The following MFN1 variants were observed in gnomAD, a reference collection of about 807,000 sequenced individuals.
The protein encoded by MFN1 is mitofusin 1.
In MFN1, 65 loss-of-function variants were observed where a neutral mutation model predicts 92.4. That is an observed-to-expected ratio of 0.70 (90% CI 0.58 to 0.86). MFN1 has a LOEUF of 0.86. Among genes scored for constraint, MFN1 ranks in the 40% least tolerant of loss-of-function variants. The probability of loss-of-function intolerance (pLI) is 0.00; values close to 1 mark genes in which losing one functional copy is unlikely to be tolerated. For synonymous variants in MFN1, 297 were observed against 300.9 expected (o/e 0.99, Z 0.13); for missense variants, 781 against 868.0 (o/e 0.90, Z 1.26).
chr3:179,385,424 T>C, intron 14 of MFN1, 145 bp from the exon 15 acceptor site: 1 of 606,010 alleles, frequency 1.7e-6, no homozygotes, highest in Non-Finnish European at 2.7e-6. Flanking sequence ...AAATTATTTT[T>C]ATTTTCTACA....
At chr3:179,361,834 G>A (rs1021546664) in intron 4 of MFN1, among the ~76,000 whole-genome samples, 5 of 152,048 alleles carry the variant, frequency 3.3e-5, no homozygotes, top group Non-Finnish European at 5.9e-5. Context: ...CACCGCCCCC[G>A]GCCTAGCTCT....
intron 9 of MFN1, among the ~76,000 whole-genome samples, chr3:179,372,665 A>C (rs1205558495): frequency 6.6e-6 from 1 of 152,180 alleles, no homozygotes; most frequent in Non-Finnish European, 1.5e-5. Flanking sequence ...TTTTTGAATC[A>C]GACAGTAACT....
At chr3:179,349,082 AC>A in intron 2 of MFN1, 119 bp downstream of exon 2, 1 of 696,344 alleles carries the variant, frequency 1.4e-6, no homozygotes, top group Non-Finnish European at 2.2e-6. Context: ...TATGAGAAGT[AC>A]CATAATGAAT....
In MFN1 at chr3:179,385,593, C is replaced by T. The variant is rs1190520765; in HGVS notation, c.1687C>T (p.Pro563Ser). The T allele has an allele frequency of 1.2e-6, 2 of 1,609,106 alleles. No individual in the cohort carries two copies. Among genetic ancestry groups the T allele is most frequent in the African/African-American group, 2.7e-5 (2 of 74,230 alleles). Residue 563 changes from proline to serine, a missense_variant, in exon 15 of 18, where the codon CCC becomes TCC. Transcript: ENST00000471841. ...FQLPRSLAST[P>S]TAPTTPATPD... is the part of the protein sequence containing the mutation. The stretch of plus-strand genomic sequence containing the variant: ...GCTCCCTAGATCTTTAGCTTCTACT[C>T]CCACTGCTCCTACCACTCCAGCAAC...
chr3:179,390,404 C>T (rs1422726488), intron 17 of MFN1, among the ~76,000 whole-genome samples: 5 of 152,034 alleles, frequency 3.3e-5, no homozygotes, highest in Non-Finnish European at 5.9e-5. Flanking sequence ...CTTTATAGAT[C>T]GAAATTTACT....
rs759310614 is a variant in MFN1, at chr3:179,378,703, A to G, written c.1551A>G (p.Gln517=). 1.2e-6 allele frequency: 2 copies of G among 1,613,922 alleles called. No homozygotes were observed. Among genetic ancestry groups the G allele is most frequent in the Non-Finnish European group, 1.7e-6 (2 of 1,179,796 alleles). ...ACCACAAGTTATGTTCAGATTTTCA[A>G]GAGGATATTGTATTTCGTTTTTCCC... ...LNYHKLCSDF[Q]EDIVFRFSLG... Residue 517 remains glutamine, a synonymous_variant, in exon 14 of 18, where the codon CAA becomes CAG. Coordinates refer to ENST00000471841, the MANE Select transcript of MFN1 (RefSeq NM_033540.3).
At position 179,378,595 on chromosome 3, in the gene MFN1, G is replaced by A; in HGVS notation, c.1443G>A (p.Lys481=). 6.2e-7 allele frequency: 1 copy of A among 1,607,010 alleles called. No homozygotes were observed. Among genetic ancestry groups the A allele is most frequent in the Non-Finnish European group, 8.5e-7 (1 of 1,176,076 alleles). Residue 481 remains lysine, a synonymous_variant, in exon 14 of 18, where the codon AAG becomes AAA. Coordinates refer to ENST00000471841, the MANE Select transcript of MFN1 (RefSeq NM_033540.3). ...TTTTGTTCTTTCTAGAAAATTTGAA[G>A]CCATTACTTCCAGCTGGTATACAGG... The part of the protein sequence containing the change: ...QTQQEIIENL[K]PLLPAGIQDK...
rs1713686264 is a variant in MFN1, at chr3:179,386,432, G to A, written c.1816-1G>A. 3.1e-6 allele frequency: 5 copies of A among 1,610,018 alleles called. No individual in the cohort carries two copies. Among genetic ancestry groups the A allele is most frequent in the Non-Finnish European group, 4.2e-6 (5 of 1,178,862 alleles). ...GACTAAGCTATGACTTTATCTTACAGATTTGGAAAACTATAGGCTGGAAAC... is the reference window on the plus strand; with the variant it reads ...GACTAAGCTATGACTTTATCTTACAAATTTGGAAAACTATAGGCTGGAAAC... On this transcript the variant is annotated splice_acceptor_variant, in intron 15 of 17. Transcript: ENST00000471841. LOFTEE classifies it high-confidence loss of function.
chr3:179,359,835 A>G (rs1163991105), intron 4 of MFN1: 1 of 152,132 alleles, frequency 6.6e-6, no homozygotes, highest in Non-Finnish European at 1.5e-5. Flanking sequence ...ATTAGTGAAA[A>G]AATAAAACTT....
At chr3:179,350,810 T>C (rs1323219868) in intron 2 of MFN1, among the ~76,000 whole-genome samples, 1 of 152,188 alleles carries the variant, frequency 6.6e-6, no homozygotes, top group Non-Finnish European at 1.5e-5. Flanking sequence ...AGTGGCAGTG[T>C]TTGTCTCTAA....
At chr3:179,373,503 G>A (rs1038459540) in intron 9 of MFN1, among the ~76,000 whole-genome samples, 22 of 152,142 alleles carry the variant, frequency 1.4e-4, no homozygotes, top group African/African-American at 5.1e-4. Context: ...ATTCATTGGA[G>A]TATCAGAGAA....
At chr3:179,363,474 G>A (rs1048499538) in intron 5 of MFN1, among the ~76,000 whole-genome samples, 1 of 152,022 alleles carries the variant, frequency 6.6e-6, no homozygotes, top group African/African-American at 2.4e-5. Flanking sequence ...TGAGGTGATA[G>A]ATACCTCGTT....
rs1252379762 is a variant in MFN1, at chr3:179,381,588, ATTGC to A, written c.1662+2778_1662+2781del. On this transcript the variant is annotated intron_variant, in intron 14 of 17. Transcript: ENST00000471841. Reference sequence around the variant, plus strand: ...TTGTGTGAATCCGTGTAAGAAAATGATTGCTTGTCAGTAGTATGTAAATTCAATC... The same window carrying A: ...TTGTGTGAATCCGTGTAAGAAAATGATTGTCAGTAGTATGTAAATTCAATC... Among the ~76,000 whole-genome samples, 4 of 152,348 alleles carry A rather than the reference ATTGC, an allele frequency of 2.6e-5. No individual in the cohort carries two copies. The East Asian group carries it at 7.7e-4, about 29-fold the overall frequency.
At chr3:179,367,374 T>C in intron 7 of MFN1, 65 bp from the exon 8 acceptor site, 2 of 1,407,126 alleles carry the variant, frequency 1.4e-6, no homozygotes, top group South Asian at 2.7e-5. Context: ...AGTATTGGTC[T>C]ATAGTCGTTG....
At chr3:179,367,920 T>C (rs944082870) in intron 8 of MFN1, 116 bp from the exon 9 acceptor site, 5 of 509,796 alleles carry the variant, frequency 9.8e-6, no homozygotes, top group Non-Finnish European at 1.4e-5. Context: ...CAAGACTCTG[T>C]CTCGGGGGAA....
At chr3:179,376,489 C>G (rs1003596499) in intron 10 of MFN1, among the ~76,000 whole-genome samples, 3 of 152,084 alleles carry the variant, frequency 2.0e-5, no homozygotes, top group Admixed American at 2.0e-4. Flanking sequence ...AAATGGATCT[C>G]AGGTCTTTAT....
chr3:179,378,616 A>G lies in MFN1; in HGVS notation c.1464A>G (p.Ile488Met). 6.2e-7 allele frequency: 1 copy of G among 1,612,958 alleles called. No individual in the cohort carries two copies. The highest frequency in any genetic ancestry group is 1.1e-5 in the South Asian group (1 of 90,870). ...ENLKPLLPAGIQDKLHTLIPC... is the reference protein window; with the variant it reads ...ENLKPLLPAGMQDKLHTLIPC... ...TGAAGCCATTACTTCCAGCTGGTATACAGGATAAACTACATACACTGATCC... is the reference window on the plus strand; with the variant it reads ...TGAAGCCATTACTTCCAGCTGGTATGCAGGATAAACTACATACACTGATCC... The change falls in exon 14 of 18, where the codon ATA (isoleucine) becomes ATG (methionine). Residue 488 changes from isoleucine (I) to methionine (M), a missense_variant. Coordinates refer to ENST00000471841, the MANE Select transcript of MFN1 (RefSeq NM_033540.3).
chr3:179,387,197 T>A (rs1443684872), intron 16 of MFN1, among the ~76,000 whole-genome samples: 1 of 152,170 alleles, frequency 6.6e-6, no homozygotes. Flanking sequence ...TAGCTGAGAT[T>A]ATAGGCATGA....
chr3:179,393,852 C>T lies in MFN1; in HGVS notation c.*1793C>T, dbSNP rs772332691. 2 of 152,270 alleles carry T rather than the reference C, an allele frequency of 1.3e-5. No homozygotes were observed. Among genetic ancestry groups the T allele is most frequent in the Non-Finnish European group, 2.9e-5 (2 of 68,120 alleles). The allele number at this position is 152,270 out of a possible 1,614,324, so 9.4% of individuals were successfully genotyped here. On this transcript the variant is annotated 3_prime_UTR_variant, in exon 18 of 18. Coordinates refer to ENST00000471841, the MANE Select transcript of MFN1 (RefSeq NM_033540.3). Reference sequence around the variant, plus strand: ...TTCTCAAAGTTTGGTCCTGGGTCATCGACATTACTTCTTTTTCTTTCTGAG... The same window carrying T: ...TTCTCAAAGTTTGGTCCTGGGTCATTGACATTACTTCTTTTTCTTTCTGAG...
Sources: allele counts gnomAD v4.1 joint callset (sites outside exome capture counted in the v4.1 genomes callset), GRCh38; gene constraint gnomAD v4.1.1; transcripts MANE v1.5; gene names NCBI Gene and HGNC (gene_info 2026-07-23, HGNC 2026-07-21).